NETO1: variants seen among roughly 807,000 people sequenced by gnomAD.
NETO1 encodes neuropilin and tolloid-like protein 1.
In NETO1, 26 loss-of-function variants were observed where a neutral mutation model predicts 61.3. The observed-to-expected ratio is 0.42, with a 90% CI of 0.31 to 0.59. The LOEUF (loss-of-function observed/expected upper bound fraction) is 0.59, where lower values mean the gene tolerates loss of function less well. Ranked by LOEUF, NETO1 falls within the 20% of genes least tolerant of loss-of-function variation. NETO1 has a pLI of 0.12. For missense variants in NETO1, 531 were observed against 662.8 expected (o/e 0.80, Z 2.18); for synonymous variants, 225 against 225.8 (o/e 1.00, Z 0.03).
Position 72,783,677 on chromosome 18 carries a change from C to T in NETO1, c.868+1G>A. 1.9e-6 allele frequency: 3 copies of T among 1,613,364 alleles called. No homozygotes were observed. Among genetic ancestry groups the T allele is most frequent in the Non-Finnish European group, 1.7e-6 (2 of 1,179,330 alleles). On this transcript the variant is annotated splice_donor_variant, in intron 7 of 10. Transcript: ENST00000327305. LOFTEE classifies it high-confidence loss of function. ...AAATAGTCAAGTGCAGAGAATCTTA[C>T]GTTCTTGAAAGGATGTGAAGAGCAT...
rs1287509878 is a variant in NETO1, at chr18:72,744,904, G to C, written c.*3275C>G. On this transcript the variant is annotated 3_prime_UTR_variant, in exon 11 of 11. Coordinates refer to ENST00000327305, the MANE Select transcript of NETO1 (RefSeq NM_138966.5). ...GAATTTTTTTAAAGCTGTAAAATTTGAGGAAGACCCGAATTAAATTCCTAA... is the reference window on the plus strand; with the variant it reads ...GAATTTTTTTAAAGCTGTAAAATTTCAGGAAGACCCGAATTAAATTCCTAA... 1.3e-5 allele frequency: 2 copies of C among 152,204 alleles called. No homozygotes were observed. Among genetic ancestry groups the C allele is most frequent in the East Asian group, 3.9e-4 (2 of 5,174 alleles). The allele number at this position is 152,204 out of a possible 1,614,324, so 9.4% of individuals were successfully genotyped here.
Position 72,834,011 on chromosome 18 carries a change from C to G in NETO1, c.469+24815G>C, listed in dbSNP as rs2145415268. 4 of 618,212 alleles carry G rather than the reference C, an allele frequency of 6.5e-6. No homozygotes were observed. The South Asian group carries it at 2.9e-4, about 45-fold the overall frequency. 38.3% of individuals were successfully genotyped at this position (618,212 alleles called of 1,614,324 possible). ...AAAGTGAATACAACATTTTAACACC[C>G]AACCTACAAGAGACAGATATATTTT... On this transcript the variant is annotated intron_variant, in intron 4 of 10. Transcript: ENST00000327305.
intron 4 of NETO1, among the ~76,000 whole-genome samples, chr18:72,805,949 C>T (rs2072661717): frequency 6.6e-6 from 1 of 151,980 alleles, no homozygotes; most frequent in Non-Finnish European, 1.5e-5. Flanking sequence ...GATCAAGATC[C>T]ACGTAAGTAA....
chr18:72,791,200 T>C (rs183065100), intron 6 of NETO1, among the ~76,000 whole-genome samples: 26 of 152,308 alleles, frequency 1.7e-4, no homozygotes, highest in Admixed American at 1.6e-3. Flanking sequence ...ACATCAGATA[T>C]TATATTTTCT....
At chr18:72,823,587 G>A (rs1291286308) in intron 4 of NETO1, among the ~76,000 whole-genome samples, 2 of 152,136 alleles carry the variant, frequency 1.3e-5, no homozygotes, top group African/African-American at 2.4e-5. Context: ...GGAGTTAAAA[G>A]GATGGAGGTG....
At chr18:72,860,273 T>A (rs1265866356) in intron 3 of NETO1, among the ~76,000 whole-genome samples, 4 of 152,220 alleles carry the variant, frequency 2.6e-5, no homozygotes, top group Admixed American at 2.0e-4. Flanking sequence ...TGTAGACACT[T>A]GAAAGTTAAG....
chr18:72,797,083 T>C (rs181494290), intron 4 of NETO1, among the ~76,000 whole-genome samples: 32 of 152,308 alleles, frequency 2.1e-4, no homozygotes, highest in African/African-American at 7.2e-4. Flanking sequence ...TCTAGACTTT[T>C]TGTTATTCAT....
In NETO1 at chr18:72,819,662, T is replaced by A. The variant is rs116710998; in HGVS notation, c.470-25258A>T. Among the ~76,000 whole-genome samples, 356 of 152,250 alleles carry A rather than the reference T, an allele frequency of 2.3e-3. 3 individuals are homozygous for A. Among genetic ancestry groups the A allele is most frequent in the African/African-American group, 8.2e-3 (343 of 41,578 alleles). Reference sequence around the variant, plus strand: ...GCAATTTCATCTTTGAATTTGCATGTTTAAAATTCTTCTCCTGAAATTTGT... The same window carrying A: ...GCAATTTCATCTTTGAATTTGCATGATTAAAATTCTTCTCCTGAAATTTGT... On this transcript the variant is annotated intron_variant, in intron 4 of 10. Coordinates refer to ENST00000327305, the MANE Select transcript of NETO1 (RefSeq NM_138966.5).
At chr18:72,811,487 G>A (rs1258835430) in intron 4 of NETO1, among the ~76,000 whole-genome samples, 1 of 152,142 alleles carries the variant, frequency 6.6e-6, no homozygotes, top group Non-Finnish European at 1.5e-5. Context: ...CAAATTAAAT[G>A]ATTAAAAATT....
intron 7 of NETO1, among the ~76,000 whole-genome samples, chr18:72,770,093 G>A (rs1030922546): frequency 1.3e-5 from 2 of 151,834 alleles, no homozygotes; most frequent in African/African-American, 4.8e-5. Context: ...CATTTTGATA[G>A]ATGAAAATGA....
In NETO1 at chr18:72,746,956, G is replaced by A. The variant is rs2070444973; in HGVS notation, c.*1223C>T. 6.6e-6 allele frequency among the ~76,000 whole-genome samples: 1 copy of A among 152,012 alleles called. No homozygotes were observed. The highest frequency in any genetic ancestry group is 2.1e-4 in the South Asian group (1 of 4,820). ...ATCACTAAGCTTTCAGGTGTATTAT[G>A]TGTACCTGAGAATAAGAATAATTCA... On this transcript the variant is annotated 3_prime_UTR_variant, in exon 11 of 11. Transcript: ENST00000327305.
chr18:72,839,060 C>A (rs1418718291), intron 4 of NETO1, among the ~76,000 whole-genome samples: 3 of 152,208 alleles, frequency 2.0e-5, no homozygotes, highest in African/African-American at 7.2e-5. Flanking sequence ...TAAGCATTCA[C>A]AACCGCTTGA....
intron 4 of NETO1, among the ~76,000 whole-genome samples, chr18:72,836,496 G>A (rs533259354): frequency 1.2e-4 from 18 of 152,082 alleles, no homozygotes; most frequent in African/African-American, 1.4e-4. Context: ...GATATTCACC[G>A]TGTTCCCAGT....
chr18:72,755,748 C>T (rs531239412), intron 8 of NETO1, among the ~76,000 whole-genome samples: 1 of 152,072 alleles, frequency 6.6e-6, no homozygotes, highest in African/African-American at 2.4e-5. Flanking sequence ...TAGTGTGCTC[C>T]CCTGAAAGCT....
chr18:72,773,800 G>A (rs995550878), intron 7 of NETO1, among the ~76,000 whole-genome samples: 4 of 152,102 alleles, frequency 2.6e-5, no homozygotes, highest in African/African-American at 9.7e-5. Flanking sequence ...CCAGTCTTGA[G>A]TATTTCTTCC....
intron 4 of NETO1, among the ~76,000 whole-genome samples, chr18:72,814,156 C>G (rs1374188223): frequency 1.3e-5 from 2 of 151,984 alleles, no homozygotes; most frequent in Non-Finnish European, 2.9e-5. Flanking sequence ...ATTAGGTCCC[C>G]AATTTTAGAT....
At chr18:72,848,696 C>A (rs2074161710) in intron 4 of NETO1, among the ~76,000 whole-genome samples, 2 of 152,202 alleles carry the variant, frequency 1.3e-5, no homozygotes, top group Admixed American at 6.5e-5. Context: ...CTGGACTTAA[C>A]TCCCCACCCT....
At chr18:72,783,993 C>A in intron 6 of NETO1, 87 bp from the exon 7 acceptor site, 1 of 881,676 alleles carries the variant, frequency 1.1e-6, no homozygotes, top group Non-Finnish European at 1.8e-6. Flanking sequence ...TTCAGTCTCA[C>A]AAGACAATCT....
intron 7 of NETO1, among the ~76,000 whole-genome samples, chr18:72,782,623 G>A (rs1333110804): frequency 6.6e-6 from 1 of 152,040 alleles, no homozygotes; most frequent in African/African-American, 2.4e-5. Flanking sequence ...TGACCAACAT[G>A]GAGAAACCCC....
Sources: gnomAD v4.1 joint callset for allele counts (sites outside exome capture counted in the v4.1 genomes callset) on GRCh38, gnomAD v4.1.1 for gene constraint, MANE v1.5 for transcripts, NCBI Gene and HGNC (gene_info 2026-07-23, HGNC 2026-07-21) for gene names.